Variants in LARGE1 observed in about 807,000 individuals in gnomAD.
LARGE1 encodes the protein LARGE xylosyl- and glucuronyltransferase 1, also known as xylosyl- and glucuronyltransferase LARGE1.
Under a neutral mutation model 87.6 loss-of-function variants are expected in LARGE1, and 43 were observed. The observed-to-expected ratio is 0.49, with a 90% CI of 0.38 to 0.63. LARGE1 has a LOEUF of 0.63. Among genes scored for constraint, LARGE1 ranks in the 30% least tolerant of loss-of-function variants. The probability of loss-of-function intolerance (pLI) is 0.00; values close to 1 mark genes in which losing one functional copy is unlikely to be tolerated. For synonymous variants in LARGE1, 434 were observed against 394.6 expected (o/e 1.10, Z -1.18); for missense variants, 802 against 1,000.2 (o/e 0.80, Z 2.67).
rs56281030 is a variant in LARGE1 at position 33,645,949 on chromosome 22, T to C, written c.408+4418A>G. 5.0e-3 allele frequency among the ~76,000 whole-genome samples: 765 copies of C among 152,234 alleles called. 4 individuals are homozygous for C. The highest frequency in any genetic ancestry group is 0.018 in the African/African-American group (732 of 41,544). ...TAAAAAGTCAGGAAATAACAGATGC[T>C]GGAAAGGATGTGGAGAAATAGGAAC... On this transcript the variant is annotated intron_variant, in intron 3 of 14. Transcript: ENST00000397394.
At chr22:33,550,820 T>C (rs1480293886) in intron 6 of LARGE1, among the ~76,000 whole-genome samples, 2 of 152,316 alleles carry the variant, frequency 1.3e-5, no homozygotes, top group Non-Finnish European at 2.9e-5. Context: ...ATAATGCAAA[T>C]GTGGTATACA....
intron 1 of LARGE1, among the ~76,000 whole-genome samples, chr22:33,801,744 T>C (rs962080306): frequency 1.1e-4 from 17 of 152,304 alleles, no homozygotes; most frequent in African/African-American, 4.1e-4. Flanking sequence ...ATTGTGCTTT[T>C]GGTGTTCCAA....
At chr22:33,168,060 T>C (rs881689) in intron 11 of LARGE1, among the ~76,000 whole-genome samples, 98,303 of 152,026 alleles carry the variant, frequency 0.65, 32,375 homozygotes, top group African/African-American at 0.75. Context: ...GTGGGTGAAC[T>C]TTCTCCAGGA....
At chr22:33,158,772 G>A (rs759876267), downstream of LARGE1, among the ~76,000 whole-genome samples, 16 of 152,042 alleles carry the variant, frequency 1.1e-4, no homozygotes, top group East Asian at 3.8e-4. Context: ...CAATTTTCCC[G>A]TAACACTGGA....
chr22:33,257,458 C>CAA (rs745756692), intron 11 of LARGE1, among the ~76,000 whole-genome samples: 3 of 93,746 alleles, frequency 3.2e-5, no homozygotes, highest in Non-Finnish European at 4.6e-5. Flanking sequence ...AAAACAAAAA[C>CAA]AAAAAAACAA....
chr22:33,675,755 T>C (rs2081560301), intron 2 of LARGE1, among the ~76,000 whole-genome samples: 1 of 152,172 alleles, frequency 6.6e-6, no homozygotes, highest in Non-Finnish European at 1.5e-5. Context: ...ACAAAAGGCG[T>C]TTATGACCCA....
At chr22:33,240,779 A>G (rs1329595248) in intron 11 of LARGE1, among the ~76,000 whole-genome samples, 1 of 152,164 alleles carries the variant, frequency 6.6e-6, no homozygotes, top group Non-Finnish European at 1.5e-5. Context: ...ATCAACTTTA[A>G]GAACTCTTTC....
the LARGE1 span, among the ~76,000 whole-genome samples, chr22:33,145,838 A>G: frequency 6.6e-5 from 10 of 152,298 alleles, no homozygotes; most frequent in African/African-American, 2.4e-4. Flanking sequence ...AATGACTGAA[A>G]CCAATAAAGA....
chr22:33,104,933 TTCTTTC>T, the LARGE1 span, among the ~76,000 whole-genome samples: 2 of 119,486 alleles, frequency 1.7e-5, no homozygotes, highest in South Asian at 5.6e-4. Context: ...CTTTCTTTCT[TTCTTTC>T]TTTCTTTCTC....
intron 1 of LARGE1, among the ~76,000 whole-genome samples, chr22:33,817,934 G>C (rs1169363837): frequency 6.9e-6 from 1 of 144,830 alleles, no homozygotes; most frequent in Non-Finnish European, 1.6e-5. Context: ...GGGAGGAAAG[G>C]GGGAGGAGAG....
intron 7 of LARGE1, among the ~76,000 whole-genome samples, chr22:33,393,086 T>A (rs1224447933): frequency 6.6e-6 from 1 of 152,234 alleles, no homozygotes; most frequent in Non-Finnish European, 1.5e-5. Flanking sequence ...TGGAAAATTA[T>A]GAGCTTAAAT....
chr22:33,763,485 A>G (rs777345725), intron 1 of LARGE1, among the ~76,000 whole-genome samples: 4 of 152,226 alleles, frequency 2.6e-5, no homozygotes, highest in Non-Finnish European at 5.9e-5. Context: ...AGTCTAAAGC[A>G]TGGAAAACAA....
chr22:33,456,387 G>T (rs1406241779), intron 6 of LARGE1, among the ~76,000 whole-genome samples: 2 of 152,128 alleles, frequency 1.3e-5, no homozygotes, highest in African/African-American at 4.8e-5. Flanking sequence ...TGGGTACTGT[G>T]AATCTTTCTT....
chr22:33,798,763 T>C (rs568229479), intron 1 of LARGE1, among the ~76,000 whole-genome samples: 54 of 152,268 alleles, frequency 3.5e-4, no homozygotes, highest in East Asian at 5.8e-4. Context: ...ACTAGCTTCA[T>C]TGGGTCCATG....
the LARGE1 span, among the ~76,000 whole-genome samples, chr22:33,120,976 T>C: frequency 6.6e-6 from 1 of 151,914 alleles, no homozygotes; most frequent in Non-Finnish European, 1.5e-5. Flanking sequence ...GATCTGCTTT[T>C]TGGGATGTGA....
intron 1 of LARGE1, among the ~76,000 whole-genome samples, chr22:33,889,554 G>T (rs1294568717): frequency 2.0e-5 from 3 of 152,140 alleles, no homozygotes; most frequent in African/African-American, 7.2e-5. Flanking sequence ...TCTCAAATAG[G>T]GACTCTGTTC....
intron 6 of LARGE1, among the ~76,000 whole-genome samples, chr22:33,486,532 G>C (rs202139724): frequency 4.6e-5 from 4 of 86,098 alleles, no homozygotes; most frequent in Non-Finnish European, 9.1e-5. Flanking sequence ...GAGAGAGACA[G>C]AGAGAGAGAG....
At chr22:33,209,099 G>C (rs754334306) in intron 11 of LARGE1, among the ~76,000 whole-genome samples, 1 of 152,200 alleles carries the variant, frequency 6.6e-6, no homozygotes, top group Non-Finnish European at 1.5e-5. Context: ...TAATGGGATT[G>C]CTGGGTCAAA....
intron 7 of LARGE1, among the ~76,000 whole-genome samples, chr22:33,418,151 G>A (rs1436594721): frequency 6.6e-6 from 1 of 152,126 alleles, no homozygotes; most frequent in Admixed American, 6.5e-5. Context: ...GTTTCACCGT[G>A]TTAGCCAGGA....
Sources: gnomAD v4.1 joint callset for allele counts (sites outside exome capture counted in the v4.1 genomes callset) on GRCh38, gnomAD v4.1.1 for gene constraint, MANE v1.5 for transcripts, NCBI Gene and HGNC (gene_info 2026-07-23, HGNC 2026-07-21) for gene names.